Variants in TRAPPC9 observed in about 807,000 individuals in gnomAD.
The protein encoded by TRAPPC9 is IKK2 binding protein.
TRAPPC9 carries 83 observed loss-of-function variants against 124.0 expected under a neutral mutation model. That is an observed-to-expected ratio of 0.67 (90% CI 0.56 to 0.80). The LOEUF is 0.80. TRAPPC9 is among the 30% of genes least tolerant of loss of function. The probability of loss-of-function intolerance (pLI) is 0.00; values close to 1 mark genes in which losing one functional copy is unlikely to be tolerated. For missense variants in TRAPPC9, 1,302 were observed against 1,508.3 expected (o/e 0.86, Z 2.27); for synonymous variants, 638 against 617.5 (o/e 1.03, Z -0.49).
chr8:140,369,538 T>A (rs945247081), intron 8 of TRAPPC9, among the ~76,000 whole-genome samples: 1 of 152,214 alleles, frequency 6.6e-6, no homozygotes, highest in African/African-American at 2.4e-5. Context: ...TAATTCAACG[T>A]TGGGGAGAGC....
chr8:140,382,426 G>A lies in TRAPPC9; in HGVS notation c.1135-11246C>T, dbSNP rs143746951. On this transcript the variant is annotated intron_variant, in intron 7 of 22. Transcript: ENST00000438773. ...TGTGACAGATGACACCTGGAAAATC[G>A]GGTCACTCCCACCCTAACACTGTGC... Among the ~76,000 whole-genome samples the A allele has an allele frequency of 5.7e-4, 87 of 152,294 alleles. No homozygotes were observed. The East Asian group carries it at 0.016, about 28-fold the overall frequency.
chr8:139,981,755 T>C (rs1047747805), intron 19 of TRAPPC9, among the ~76,000 whole-genome samples: 2 of 152,204 alleles, frequency 1.3e-5, no homozygotes, highest in African/African-American at 4.8e-5. Context: ...CGAGGAGAAG[T>C]TGTGGAGCCC....
At chr8:140,406,761 C>T (rs560173904) in intron 5 of TRAPPC9, among the ~76,000 whole-genome samples, 5 of 152,260 alleles carry the variant, frequency 3.3e-5, no homozygotes, top group Admixed American at 3.3e-4. Flanking sequence ...AGAACTGTAA[C>T]AGAACTGTGG....
chr8:139,768,863 C>G (rs985708333), intron 21 of TRAPPC9, among the ~76,000 whole-genome samples: 1 of 152,122 alleles, frequency 6.6e-6, no homozygotes, highest in African/African-American at 2.4e-5. Context: ...CCTTCAAAGA[C>G]ATACAAAGTA....
chr8:139,935,471 C>T (rs1239777227), intron 19 of TRAPPC9, among the ~76,000 whole-genome samples: 1 of 152,180 alleles, frequency 6.6e-6, no homozygotes, highest in Non-Finnish European at 1.5e-5. Context: ...ACTGCGTGTG[C>T]AGACAGTCCC....
chr8:140,194,205 C>T (rs1358480591), intron 17 of TRAPPC9, among the ~76,000 whole-genome samples: 5 of 152,094 alleles, frequency 3.3e-5, no homozygotes, highest in Non-Finnish European at 7.4e-5. Flanking sequence ...CATTCACTGT[C>T]CTCCTTTCTC....
intron 19 of TRAPPC9, among the ~76,000 whole-genome samples, chr8:139,927,127 C>T (rs1275125126): frequency 1.3e-5 from 2 of 152,244 alleles, no homozygotes; most frequent in Non-Finnish European, 2.9e-5. Context: ...AACACCCATA[C>T]TTGAACAGCT....
At chr8:140,228,444 G>A (rs759220573) in intron 16 of TRAPPC9, among the ~76,000 whole-genome samples, 4 of 152,158 alleles carry the variant, frequency 2.6e-5, no homozygotes, top group Admixed American at 6.5e-5. Flanking sequence ...TAAAGAAAGC[G>A]GCATGCTCGT....
intron 4 of TRAPPC9, among the ~76,000 whole-genome samples, chr8:140,428,934 C>A (rs2132564112): frequency 6.6e-6 from 1 of 152,288 alleles, no homozygotes; most frequent in Middle Eastern, 3.4e-3. Flanking sequence ...CTCTGTCCCA[C>A]CCTTTCCACA....
chr8:139,972,054 G>T (rs1035703448), intron 19 of TRAPPC9, among the ~76,000 whole-genome samples: 4 of 152,006 alleles, frequency 2.6e-5, no homozygotes, highest in Non-Finnish European at 5.9e-5. Context: ...TCGAACTCCT[G>T]ACCTCAAGTC....
chr8:139,754,459 G>T (rs539287078), intron 21 of TRAPPC9, among the ~76,000 whole-genome samples: 4 of 152,298 alleles, frequency 2.6e-5, no homozygotes, highest in Admixed American at 2.6e-4. Flanking sequence ...GCTGGGTGCT[G>T]CCTTCCAAGA....
intron 15 of TRAPPC9, among the ~76,000 whole-genome samples, chr8:140,258,608 T>C (rs2131540738): frequency 6.6e-6 from 1 of 152,326 alleles, no homozygotes; most frequent in East Asian, 1.9e-4. Context: ...TTCCAAACCA[T>C]TTACAGCACC....
intron 21 of TRAPPC9, among the ~76,000 whole-genome samples, chr8:139,784,644 T>TATATATAA (rs1218317207): frequency 7.6e-6 from 1 of 131,812 alleles, no homozygotes; most frequent in African/African-American, 2.8e-5. Context: ...TATATATATA[T>TATATATAA]AAATCAACTG....
intron 9 of TRAPPC9, among the ~76,000 whole-genome samples, chr8:140,316,138 GAC>G: frequency 6.6e-6 from 1 of 152,072 alleles, no homozygotes; most frequent in South Asian, 2.1e-4. Context: ...TGGAGACTGT[GAC>G]ATCAGAATAG....
chr8:140,384,056 C>A (rs1401028789), intron 7 of TRAPPC9, among the ~76,000 whole-genome samples: 1 of 152,012 alleles, frequency 6.6e-6, no homozygotes, highest in African/African-American at 2.4e-5. Context: ...TCATATCCAG[C>A]CAAACTAAGC....
intron 17 of TRAPPC9, among the ~76,000 whole-genome samples, chr8:140,178,549 GT>G (rs1015040480): frequency 5.9e-5 from 9 of 151,918 alleles, no homozygotes; most frequent in African/African-American, 1.4e-4. Flanking sequence ...TTTTTCAAGG[GT>G]TTTGCATACA....
intron 19 of TRAPPC9, among the ~76,000 whole-genome samples, chr8:139,947,769 G>A (rs1834320284): frequency 6.6e-6 from 1 of 150,638 alleles, no homozygotes; most frequent in Non-Finnish European, 1.5e-5. Context: ...TCAGGAGGCT[G>A]AGGAAGGAGA....
At chr8:140,145,402 T>C (rs1262065835) in intron 17 of TRAPPC9, among the ~76,000 whole-genome samples, 1 of 152,088 alleles carries the variant, frequency 6.6e-6, no homozygotes, top group African/African-American at 2.4e-5. Context: ...GTTTCAACAT[T>C]AAGTATGTTT....
At chr8:140,331,640 T>TCATCATCAC (rs1216645598) in intron 9 of TRAPPC9, among the ~76,000 whole-genome samples, 91 of 151,578 alleles carry the variant, frequency 6.0e-4, no homozygotes, top group African/African-American at 2.1e-3. Flanking sequence ...ATCATCATCA[T>TCATCATCAC]CACCACCCCA....
Sources: allele counts gnomAD v4.1 joint callset (sites outside exome capture counted in the v4.1 genomes callset), GRCh38; gene constraint gnomAD v4.1.1; transcripts MANE v1.5; gene names NCBI Gene and HGNC (gene_info 2026-07-23, HGNC 2026-07-21).